The following ARMH3 variants were observed in gnomAD, a reference collection of about 807,000 sequenced individuals.
ARMH3 encodes the protein armadillo like helical domain containing 3, also known as armadillo-like helical domain-containing protein 3.
ARMH3 carries 60 observed loss-of-function variants against 99.1 expected under a neutral mutation model. The observed-to-expected ratio is 0.61, with a 90% CI of 0.49 to 0.75. ARMH3 has a LOEUF of 0.75. Among genes scored for constraint, ARMH3 ranks in the 30% least tolerant of loss-of-function variants. The probability of loss-of-function intolerance (pLI) is 0.00; values close to 1 mark genes in which losing one functional copy is unlikely to be tolerated. For synonymous variants in ARMH3, 285 were observed against 292.8 expected (o/e 0.97, Z 0.27); for missense variants, 679 against 843.1 (o/e 0.81, Z 2.41).
intron 23 of ARMH3, among the ~76,000 whole-genome samples, chr10:101,932,598 G>A (rs909573673): frequency 1.3e-5 from 2 of 152,184 alleles, no homozygotes; most frequent in Non-Finnish European, 2.9e-5. Flanking sequence ...AGGAAATTCT[G>A]CTACATGCTA....
intron 14 of ARMH3, among the ~76,000 whole-genome samples, chr10:102,003,764 A>G (rs2066421351): frequency 6.6e-6 from 1 of 152,250 alleles, no homozygotes; most frequent in Non-Finnish European, 1.5e-5. Flanking sequence ...TTATGAACCC[A>G]TAATAAACAG....
intron 5 of ARMH3, among the ~76,000 whole-genome samples, chr10:102,028,392 TA>T (rs2067049231): frequency 6.6e-6 from 1 of 152,018 alleles, no homozygotes; most frequent in African/African-American, 2.4e-5. Flanking sequence ...CATGAATAAA[TA>T]AATAAATAAA....
chr10:101,976,958 TTC>T (rs963055973), intron 19 of ARMH3, among the ~76,000 whole-genome samples: 2 of 152,122 alleles, frequency 1.3e-5, no homozygotes, highest in African/African-American at 4.8e-5. Flanking sequence ...CAGCCAGAAG[TTC>T]TGTTTCTTTT....
intron 1 of ARMH3, among the ~76,000 whole-genome samples, chr10:102,054,008 G>A (rs2067775289): frequency 6.6e-6 from 1 of 152,130 alleles, no homozygotes; most frequent in South Asian, 2.1e-4. Flanking sequence ...TTCCCCAAAT[G>A]TTACAGATTC....
At chr10:101,921,070 A>G (rs914554524) in intron 23 of ARMH3, among the ~76,000 whole-genome samples, 3 of 152,332 alleles carry the variant, frequency 2.0e-5, no homozygotes, top group African/African-American at 7.2e-5. Flanking sequence ...TTGCACAACA[A>G]TGTCAATATA....
At chr10:102,051,506 A>C (rs1339733335) in intron 1 of ARMH3, among the ~76,000 whole-genome samples, 1 of 152,024 alleles carries the variant, frequency 6.6e-6, no homozygotes, top group Middle Eastern at 3.2e-3. Flanking sequence ...AAAAAGAAAG[A>C]AGTCAGTCAA....
chr10:102,028,058 A>T (rs570888656), intron 5 of ARMH3, among the ~76,000 whole-genome samples: 66 of 151,932 alleles, frequency 4.3e-4, no homozygotes, highest in Non-Finnish European at 8.8e-4. Context: ...CTCCAAAAAA[A>T]AAAAATAAAG....
At chr10:101,871,400 T>G (rs2067128201) in intron 24 of ARMH3, among the ~76,000 whole-genome samples, 1 of 152,178 alleles carries the variant, frequency 6.6e-6, no homozygotes, top group South Asian at 2.1e-4. Context: ...ATTAGAGGGT[T>G]AGCTGATTTC....
At position 102,029,755 on chromosome 10, in the gene ARMH3, TGAGA is replaced by T. The variant is rs760494929; in HGVS notation, c.307-14_307-11del. On this transcript the variant is annotated splice_polypyrimidine_tract_variant and intron_variant, in intron 4 of 25. Transcript: ENST00000370033. ...TGAGTGCGCACAGGGTCTGCAGAAA[TGAGA>T]GAAAGAATTCTTTCTGGAGAGGAAG... 17 of 1,606,796 alleles carry T rather than the reference TGAGA, an allele frequency of 1.1e-5. No homozygotes were observed. Among genetic ancestry groups the T allele is most frequent in the Non-Finnish European group, 1.4e-5 (17 of 1,174,242 alleles).
intron 5 of ARMH3, 68 bp downstream of exon 5, chr10:102,029,570 G>C (rs1255956563): frequency 6.2e-7 from 1 of 1,614,110 alleles, no homozygotes; most frequent in Non-Finnish European, 8.5e-7. Context: ...ACATTTGTCT[G>C]CTGATAGTGT....
At chr10:101,934,073 A>C (rs141765498) in intron 23 of ARMH3, among the ~76,000 whole-genome samples, 114 of 152,344 alleles carry the variant, frequency 7.5e-4, no homozygotes, top group African/African-American at 2.6e-3. Context: ...GACAGTGATT[A>C]CTGCTTGAAG....
At chr10:101,936,146 A>C (rs1843959899) in intron 23 of ARMH3, among the ~76,000 whole-genome samples, 1 of 152,042 alleles carries the variant, frequency 6.6e-6, no homozygotes, top group Non-Finnish European at 1.5e-5. Flanking sequence ...AGTTCTCCCT[A>C]CCAAGGAAAG....
intron 24 of ARMH3, among the ~76,000 whole-genome samples, chr10:101,850,897 C>T (rs948490046): frequency 6.6e-6 from 1 of 152,180 alleles, no homozygotes; most frequent in Admixed American, 6.5e-5. Flanking sequence ...TATCCTGAAG[C>T]TTTCCCTGGC....
intron 22 of ARMH3, among the ~76,000 whole-genome samples, chr10:101,940,848 T>A (rs1270631483): frequency 6.6e-6 from 1 of 152,180 alleles, no homozygotes; most frequent in East Asian, 1.9e-4. Flanking sequence ...ATATCCTCTA[T>A]CAGCTATGAT....
At chr10:102,052,919 C>T (rs891366679) in intron 1 of ARMH3, among the ~76,000 whole-genome samples, 39 of 152,166 alleles carry the variant, frequency 2.6e-4, no homozygotes, top group African/African-American at 8.9e-4. Flanking sequence ...ATGCCTCTTT[C>T]CATACCCTAA....
intron 19 of ARMH3, among the ~76,000 whole-genome samples, chr10:101,985,916 G>A (rs1846477174): frequency 2.6e-5 from 4 of 151,966 alleles, no homozygotes; most frequent in Admixed American, 2.6e-4. Context: ...TACTCAGGAA[G>A]CTGAGACATG....
intron 22 of ARMH3, among the ~76,000 whole-genome samples, chr10:101,948,685 C>T (rs1026974995): frequency 6.6e-6 from 1 of 151,780 alleles, no homozygotes; most frequent in African/African-American, 2.4e-5. Context: ...CTTCTCTGTC[C>T]CTTTATAATA....
chr10:101,944,487 T>C (rs1056423125), intron 22 of ARMH3, among the ~76,000 whole-genome samples: 5 of 151,972 alleles, frequency 3.3e-5, no homozygotes, highest in African/African-American at 2.4e-5. Flanking sequence ...GATAATCATA[T>C]TGTTGAAAAC....
intron 4 of ARMH3, 33 bp from the exon 5 acceptor site, chr10:102,029,778 G>A (rs180828735): frequency 2.5e-6 from 4 of 1,595,704 alleles, no homozygotes; most frequent in East Asian, 4.5e-5. Context: ...TCTTTCTGGA[G>A]AGGAAGTCTC....
Sources: gnomAD v4.1 joint callset for allele counts (sites outside exome capture counted in the v4.1 genomes callset) on GRCh38, gnomAD v4.1.1 for gene constraint, MANE v1.5 for transcripts, NCBI Gene and HGNC (gene_info 2026-07-23, HGNC 2026-07-21) for gene names.